Variants in JPH2 observed in about 807,000 individuals in gnomAD.
JPH2 encodes the protein junctophilin 2, also known as junctophilin-2.
Under a neutral mutation model 55.9 loss-of-function variants are expected in JPH2, and 38 were observed. That is an observed-to-expected ratio of 0.68 (90% confidence interval 0.52 to 0.89). The LOEUF is 0.89. JPH2 is among the 40% of genes least tolerant of loss of function. The probability of loss-of-function intolerance (pLI) is 0.00; values close to 1 mark genes in which losing one functional copy is unlikely to be tolerated. For synonymous variants in JPH2, 480 were observed against 472.4 expected, an observed-to-expected ratio of 1.02 and a Z score of -0.21; for missense variants, 964 against 1,037.6, an observed-to-expected ratio of 0.93 and a Z score of 0.97.
chr20:44,114,735 C>T (rs1040184070), intron 5 of JPH2, 47 bp downstream of exon 5: 134 of 1,425,976 alleles, frequency 9.4e-5, no homozygotes, highest in Non-Finnish European at 1.3e-4. Flanking sequence ...TCAAAACTCC[C>T]CAGGGGCTCC....
At chr20:44,118,005 CA>C (rs1358631624) in intron 3 of JPH2, among the ~76,000 whole-genome samples, 24 of 152,216 alleles carry the variant, frequency 1.6e-4, no homozygotes, top group Admixed American at 1.1e-3. Context: ...AGCTGGGAAG[CA>C]GCGGAATCAG....
At chr20:44,124,982 A>G (rs113110979) in intron 2 of JPH2, among the ~76,000 whole-genome samples, 2 of 124,478 alleles carry the variant, frequency 1.6e-5, no homozygotes, top group African/African-American at 3.2e-5. Flanking sequence ...GGTGGTGCGC[A>G]CCTGTAGTCC....
chr20:44,107,413 G>A lies in JPH2; in HGVS notation c.*6105C>T, dbSNP rs2072114893. 6.6e-6 allele frequency among the ~76,000 whole-genome samples: 1 copy of A among 152,194 alleles called. No homozygotes were observed. The highest frequency in any genetic ancestry group is 2.1e-4 in the South Asian group (1 of 4,834). ...TCCGTATTTCCCAGCCTCCCTTGAA[G>A]CTAGTTGAGGCCAAACAACTGAGCT... On this transcript the variant is annotated 3_prime_UTR_variant, in exon 6 of 6. Transcript: ENST00000372980.
rs563914810 is a variant in JPH2 at position 44,140,713 on chromosome 20, G to C, written c.1169+18905C>G. ...GATCGCTGGGATTATGGAAACACCTGGGAGATCCCCACCGAGATCTCACCC... is the reference window on the plus strand; with the variant it reads ...GATCGCTGGGATTATGGAAACACCTCGGAGATCCCCACCGAGATCTCACCC... On this transcript the variant is annotated intron_variant, in intron 2 of 5. Coordinates refer to ENST00000372980, the MANE Select transcript of JPH2 (RefSeq NM_020433.5). 6.0e-4 allele frequency among the ~76,000 whole-genome samples: 64 copies of C among 106,870 alleles called. 1 individual carries two copies. The South Asian group carries it at 0.018, about 30-fold the overall frequency. 70.1% of individuals were successfully genotyped at this position (106,870 alleles called of 152,430 possible). A position where few individuals can be genotyped will look rare whatever the true frequency, so the allele number is the denominator to read the frequency against.
chr20:44,158,755 C>G (rs569504045), intron 2 of JPH2, among the ~76,000 whole-genome samples: 1 of 152,054 alleles, frequency 6.6e-6, no homozygotes, highest in South Asian at 2.1e-4. Flanking sequence ...ATAGAGGTGG[C>G]TGGCTGGGTA....
At chr20:44,161,330 C>T (rs903344398) in intron 1 of JPH2, among the ~76,000 whole-genome samples, 6 of 152,042 alleles carry the variant, frequency 3.9e-5, no homozygotes, top group South Asian at 2.1e-4. Flanking sequence ...TACAAGGTGT[C>T]GGCAACTTAG....
In JPH2 at chr20:44,134,721, T is replaced by TATAAATATTTATTATAAATATATAA. The variant is rs372508582; in HGVS notation, c.1170-16099_1170-16098insTTATATATTTATAATAAATATTTAT. ...TATACATTAATATATATTATAAATA[T>TATAAATATTTATTATAAATATATAA]ATATTTATTATAAATATATAAAGAT... On this transcript the variant is annotated intron_variant, in intron 2 of 5. Coordinates refer to ENST00000372980, the MANE Select transcript of JPH2 (RefSeq NM_020433.5). 4.2e-5 allele frequency among the ~76,000 whole-genome samples: 2 copies of TATAAATATTTATTATAAATATATAA among 47,488 alleles called. 1 individual carries two copies. The highest frequency in any genetic ancestry group is 6.3e-4 in the Admixed American group (2 of 3,152). The allele number at this position is 47,488 out of a possible 152,430, so 31.2% of individuals were successfully genotyped here. A position where few individuals can be genotyped will look rare whatever the true frequency, so the allele number is the denominator to read the frequency against.
chr20:44,129,574 A>C (rs1202005011), intron 2 of JPH2, among the ~76,000 whole-genome samples: 16 of 92,512 alleles, frequency 1.7e-4, no homozygotes, highest in East Asian at 1.4e-3. Flanking sequence ...AAAAAACAAA[A>C]AAAACAAAAC....
chr20:44,110,315 G>C lies in JPH2; in HGVS notation c.*3203C>G, dbSNP rs1357308503. Among the ~76,000 whole-genome samples the C allele has an allele frequency of 6.6e-6, 1 of 152,038 alleles. No homozygotes were observed. The highest frequency in any genetic ancestry group is 1.5e-5 in the Non-Finnish European group (1 of 68,000). ...TTCCCTCTGTGGGTTTTTATCAAAG[G>C]CTACAGATAACAATTCCCTCCCCAT... On this transcript the variant is annotated 3_prime_UTR_variant, in exon 6 of 6. Transcript: ENST00000372980.
intron 2 of JPH2, among the ~76,000 whole-genome samples, chr20:44,158,969 TTGAA>T (rs1019105072): frequency 3.9e-5 from 6 of 152,018 alleles, no homozygotes; most frequent in African/African-American, 1.4e-4. Flanking sequence ...ATCTGTATGT[TTGAA>T]TGGGCATCTG....
intron 2 of JPH2, among the ~76,000 whole-genome samples, chr20:44,156,770 T>A (rs2072569191): frequency 6.6e-6 from 1 of 152,240 alleles, no homozygotes; most frequent in Admixed American, 6.5e-5. Context: ...TTCCCACGTC[T>A]TAATGTTACA....
chr20:44,177,916 C>CTTCATTGTCTTGT (rs765092545), intron 1 of JPH2: 1 of 1,474,668 alleles, frequency 6.8e-7, no homozygotes, highest in Admixed American at 1.7e-5. Flanking sequence ...ATGCTCAGTG[C>CTTCATTGTCTTGT]TTCATTGTCT....
chr20:44,153,766 AGAGGC>A (rs1359888990), intron 2 of JPH2, among the ~76,000 whole-genome samples: 4 of 152,252 alleles, frequency 2.6e-5, no homozygotes, highest in African/African-American at 9.6e-5. Context: ...CCCTTCGTAT[AGAGGC>A]TCTGCTTCAA....
Position 44,186,685 on chromosome 20 carries a change from G to A in JPH2, c.21C>T (p.Asp7=). 6.3e-7 allele frequency: 1 copy of A among 1,586,156 alleles called. No individual in the cohort carries two copies. The highest frequency in any genetic ancestry group is 8.5e-7 in the Non-Finnish European group (1 of 1,173,706). The change falls in exon 1 of 6, where the codon GAC becomes GAT. Residue 7 remains aspartate, a synonymous_variant. Coordinates refer to ENST00000372980, the MANE Select transcript of JPH2 (RefSeq NM_020433.5). Reference sequence around the variant, plus strand: ...CGCAGTACGCCCCTCCATCATCAAAGTCGAAGCGGCCCCCACTCATCTCAT... The same window carrying A: ...CGCAGTACGCCCCTCCATCATCAAAATCGAAGCGGCCCCCACTCATCTCAT... MSGGRF[D]FDDGGAYCGG...
Position 44,115,573 on chromosome 20 carries a change from C to A in JPH2, c.2010+92G>T, listed in dbSNP as rs1445561004. 67 of 1,553,546 alleles carry A rather than the reference C, an allele frequency of 4.3e-5. No homozygotes were observed. The East Asian group carries it at 1.5e-3, about 35-fold the overall frequency. ...CCTGCTTCGGTCTCTCGCACCCCAG[C>A]AACCCCCAAATCCCCTGCCCCTGAA... On this transcript the variant is annotated intron_variant, in intron 4 of 5. Coordinates refer to ENST00000372980, the MANE Select transcript of JPH2 (RefSeq NM_020433.5).
At chr20:44,182,010 G>A (rs1298286082) in intron 1 of JPH2, among the ~76,000 whole-genome samples, 1 of 152,208 alleles carries the variant, frequency 6.6e-6, no homozygotes, top group Non-Finnish European at 1.5e-5. Flanking sequence ...ATAGGTAATA[G>A]TAATAAGAGC....
rs1422749683 is a variant in JPH2, at chr20:44,133,931, T to C, written c.1170-15308A>G. Among the ~76,000 whole-genome samples the C allele has an allele frequency of 4.6e-5, 2 of 43,398 alleles. 1 individual carries two copies. The highest frequency in any genetic ancestry group is 7.7e-5 in the Non-Finnish European group (2 of 26,092). The allele number at this position is 43,398 out of a possible 152,430, so 28.5% of individuals were successfully genotyped here. A position where few individuals can be genotyped will look rare whatever the true frequency, so the allele number is the denominator to read the frequency against. On this transcript the variant is annotated intron_variant, in intron 2 of 5. Transcript: ENST00000372980. Reference sequence around the variant, plus strand: ...AAATATACATTATAATATATAAATATATATTTATTATAAATATATATAAAT... The same window carrying C: ...AAATATACATTATAATATATAAATACATATTTATTATAAATATATATAAAT...
chr20:44,171,888 G>A (rs2072701903), intron 1 of JPH2, among the ~76,000 whole-genome samples: 1 of 152,154 alleles, frequency 6.6e-6, no homozygotes, highest in Non-Finnish European at 1.5e-5. Context: ...ATGCACTTGG[G>A]GGCAGGGACA....
intron 2 of JPH2, among the ~76,000 whole-genome samples, chr20:44,144,754 CTAATA>C (rs1159204398): frequency 2.0e-5 from 3 of 152,148 alleles, no homozygotes; most frequent in East Asian, 3.9e-4. Context: ...GTGAAAAGGG[CTAATA>C]TAATAAGTAG....
Sources: gnomAD v4.1 joint callset for allele counts (sites outside exome capture counted in the v4.1 genomes callset) on GRCh38, gnomAD v4.1.1 for gene constraint, MANE v1.5 for transcripts, NCBI Gene and HGNC (gene_info 2026-07-23, HGNC 2026-07-21) for gene names.